EYS: variants seen among roughly 807,000 people sequenced by gnomAD.
The protein encoded by EYS is protein eyes shut homolog.
Under a neutral mutation model 282.1 loss-of-function variants are expected in EYS, and 250 were observed. The observed-to-expected ratio is 0.89, with a 90% confidence interval of 0.80 to 0.98. The LOEUF (loss-of-function observed/expected upper bound fraction) is 0.98, where lower values mean the gene tolerates loss of function less well. EYS is among the 50% of genes least tolerant of loss of function. EYS has a pLI of 0.00. For synonymous variants in EYS, 1,355 were observed against 1,282.9 expected, an observed-to-expected ratio of 1.06 and a Z score of -1.20; for missense variants, 4,016 against 3,709.0, an observed-to-expected ratio of 1.08 and a Z score of -2.15.
At chr6:64,776,654 G>T (rs529799444) in intron 22 of EYS, among the ~76,000 whole-genome samples, 2 of 152,092 alleles carry the variant, frequency 1.3e-5, no homozygotes, top group South Asian at 4.1e-4. Context: ...CTCATCACAT[G>T]TCTCATCATT....
At chr6:64,221,063 T>G (rs1211572513) in intron 31 of EYS, among the ~76,000 whole-genome samples, 1 of 152,192 alleles carries the variant, frequency 6.6e-6, no homozygotes, top group African/African-American at 2.4e-5. Flanking sequence ...TATCACTTGA[T>G]TCACAGAATT....
chr6:64,823,495 G>A (rs1764959033), intron 19 of EYS, among the ~76,000 whole-genome samples: 9 of 151,796 alleles, frequency 5.9e-5, no homozygotes, highest in Admixed American at 5.9e-4. Context: ...TCGTATGTTT[G>A]AAATATCTGG....
intron 26 of EYS, among the ~76,000 whole-genome samples, chr6:64,521,093 A>G (rs1777719418): frequency 6.6e-6 from 1 of 151,782 alleles, no homozygotes; most frequent in Non-Finnish European, 1.5e-5. Flanking sequence ...GATTAGTTAC[A>G]GCTCAACATT....
At chr6:65,089,982 T>TACAC (rs113762450) in intron 12 of EYS, among the ~76,000 whole-genome samples, 28,582 of 141,056 alleles carry the variant, frequency 0.2, 3,020 homozygotes, top group Middle Eastern at 0.26. Flanking sequence ...TATAAATAAA[T>TACAC]ACACACACAC....
intron 12 of EYS, among the ~76,000 whole-genome samples, chr6:65,109,537 T>C (rs1408015513): frequency 2.0e-5 from 3 of 152,078 alleles, no homozygotes; most frequent in African/African-American, 7.2e-5. Context: ...AAGGTATTAG[T>C]TGGGCATGTG....
intron 14 of EYS, among the ~76,000 whole-genome samples, chr6:64,974,188 C>T (rs1030936813): frequency 6.6e-6 from 1 of 151,736 alleles, no homozygotes; most frequent in Non-Finnish European, 1.5e-5. Context: ...ATCGTATGTA[C>T]AGCATAAAGC....
At chr6:65,673,848 C>T (rs1768484529) in intron 1 of EYS, among the ~76,000 whole-genome samples, 2 of 151,944 alleles carry the variant, frequency 1.3e-5, no homozygotes, top group Admixed American at 1.3e-4. Context: ...TCTACCCATA[C>T]AGTGAAAGTG....
intron 5 of EYS, among the ~76,000 whole-genome samples, chr6:65,480,085 A>C (rs1426335519): frequency 6.6e-6 from 1 of 152,016 alleles, no homozygotes; most frequent in East Asian, 1.9e-4. Context: ...GAATCGCTTG[A>C]ACCCAGGAGG....
intron 10 of EYS, among the ~76,000 whole-genome samples, chr6:65,337,525 A>G (rs573237147): frequency 1.3e-5 from 2 of 151,318 alleles, no homozygotes; most frequent in South Asian, 4.2e-4. Flanking sequence ...ATCTATCTCT[A>G]ACTCTATATC....
chr6:63,785,419 C>T (rs764129189), intron 39 of EYS, among the ~76,000 whole-genome samples: 5 of 152,134 alleles, frequency 3.3e-5, no homozygotes, highest in Admixed American at 6.5e-5. Flanking sequence ...TCTGAGACCA[C>T]CATTCATGAG....
At chr6:64,626,014 G>A (rs1374454174) in intron 23 of EYS, 107 bp downstream of exon 23, 2 of 623,452 alleles carry the variant, frequency 3.2e-6, no homozygotes, top group African/African-American at 1.9e-5. Flanking sequence ...AATAGTATTG[G>A]TGGAGTGGAT....
intron 12 of EYS, among the ~76,000 whole-genome samples, chr6:65,183,989 C>T (rs986967985): frequency 1.3e-5 from 2 of 151,832 alleles, no homozygotes; most frequent in African/African-American, 4.8e-5. Context: ...ATCGGAATTC[C>T]ATGGAACATA....
intron 29 of EYS, among the ~76,000 whole-genome samples, chr6:64,350,474 C>A (rs557516046): frequency 6.6e-6 from 1 of 151,390 alleles, no homozygotes; most frequent in Non-Finnish European, 1.5e-5. Flanking sequence ...AGCATTTTCC[C>A]AGACTTTGAA....
At chr6:64,298,119 C>G (rs549660503) in intron 30 of EYS, among the ~76,000 whole-genome samples, 3 of 151,906 alleles carry the variant, frequency 2.0e-5, no homozygotes, top group Admixed American at 2.0e-4. Context: ...AGACCATAGA[C>G]AGTAACTGTA....
At chr6:65,576,193 A>G (rs1764660692) in intron 2 of EYS, among the ~76,000 whole-genome samples, 1 of 152,048 alleles carries the variant, frequency 6.6e-6, no homozygotes, top group Non-Finnish European at 1.5e-5. Flanking sequence ...ATAACAGCAA[A>G]AAGATTTCAA....
At chr6:63,748,305 G>A (rs186829231) in intron 41 of EYS, among the ~76,000 whole-genome samples, 10 of 152,140 alleles carry the variant, frequency 6.6e-5, no homozygotes, top group Admixed American at 2.0e-4. Flanking sequence ...CTTTGCTATT[G>A]TTGAACCAAC....
intron 1 of EYS, among the ~76,000 whole-genome samples, chr6:65,680,882 T>A (rs1415173604): frequency 6.6e-6 from 1 of 151,886 alleles, no homozygotes; most frequent in Non-Finnish European, 1.5e-5. Context: ...TCTAACTCTA[T>A]TCAATTCTCA....
At chr6:65,265,923 A>G (rs1418428957) in intron 12 of EYS, among the ~76,000 whole-genome samples, 1 of 151,924 alleles carries the variant, frequency 6.6e-6, no homozygotes, top group Non-Finnish European at 1.5e-5. Flanking sequence ...GAAATACAGA[A>G]TTTGATAATA....
intron 22 of EYS, among the ~76,000 whole-genome samples, chr6:64,674,105 G>C (rs1315705196): frequency 6.6e-6 from 1 of 152,032 alleles, no homozygotes; most frequent in Non-Finnish European, 1.5e-5. Flanking sequence ...TCCTATAAAA[G>C]TTGCATAGAG....
Sources: gnomAD v4.1 joint callset for allele counts (sites outside exome capture counted in the v4.1 genomes callset) on GRCh38, gnomAD v4.1.1 for gene constraint, MANE v1.5 for transcripts, NCBI Gene and HGNC (gene_info 2026-07-23, HGNC 2026-07-21) for gene names.